Variants in ASIC2 observed in about 807,000 individuals in gnomAD.
ASIC2 encodes the protein acid-sensing ion channel 2.
In ASIC2, 25 loss-of-function variants were observed where a neutral mutation model predicts 57.3. The ratio of observed to expected loss-of-function variants is 0.44; its 90% confidence interval spans 0.32 to 0.61. ASIC2 has a LOEUF of 0.61. Ranked by LOEUF, ASIC2 falls within the 20% of genes least tolerant of loss-of-function variation. The pLI is 0.06. For synonymous variants in ASIC2, 319 were observed against 307.5 expected (o/e 1.04, Z -0.39); for missense variants, 641 against 738.1 (o/e 0.87, Z 1.52).
At chr17:34,000,059 T>G (rs966931580) in intron 1 of ASIC2, among the ~76,000 whole-genome samples, 29 of 151,838 alleles carry the variant, frequency 1.9e-4, no homozygotes, top group Middle Eastern at 3.4e-3. Flanking sequence ...TGTTGTTTTT[T>G]TTTTTTCTTT....
intron 1 of ASIC2, among the ~76,000 whole-genome samples, chr17:33,589,417 A>G (rs537485591): frequency 6.6e-6 from 1 of 152,320 alleles, no homozygotes; most frequent in African/African-American, 2.4e-5. Context: ...ATTCAGAGGC[A>G]TTGAGTACAT....
chr17:33,933,144 C>G (rs1343758542), intron 1 of ASIC2, among the ~76,000 whole-genome samples: 1 of 152,164 alleles, frequency 6.6e-6, no homozygotes, highest in Non-Finnish European at 1.5e-5. Flanking sequence ...ATGCCCATCA[C>G]AGGGCCTTTG....
intron 1 of ASIC2, among the ~76,000 whole-genome samples, chr17:34,045,938 G>T (rs1908321065): frequency 6.6e-6 from 1 of 152,186 alleles, no homozygotes; most frequent in Admixed American, 6.5e-5. Flanking sequence ...CACCATGCCA[G>T]TTTAGAGTAT....
chr17:33,788,612 A>G (rs894507656), intron 1 of ASIC2, among the ~76,000 whole-genome samples: 1 of 152,180 alleles, frequency 6.6e-6, no homozygotes, highest in African/African-American at 2.4e-5. Context: ...GCATATGTTC[A>G]TTGCAACACT....
intron 1 of ASIC2, among the ~76,000 whole-genome samples, chr17:34,148,853 C>A (rs181706693): frequency 3.9e-5 from 6 of 152,242 alleles, no homozygotes; most frequent in African/African-American, 9.6e-5. Flanking sequence ...AGGAAGGAAT[C>A]TCCTAATGAC....
intron 1 of ASIC2, among the ~76,000 whole-genome samples, chr17:33,695,105 C>T (rs549724665): frequency 3.1e-4 from 47 of 152,256 alleles, no homozygotes; most frequent in Admixed American, 1.2e-3. Context: ...TGTTTAGTAG[C>T]AAACAGTATT....
intron 1 of ASIC2, among the ~76,000 whole-genome samples, chr17:33,841,985 C>A (rs1420746769): frequency 2.0e-5 from 3 of 151,932 alleles, no homozygotes; most frequent in Non-Finnish European, 4.4e-5. Context: ...ACCTTATGTA[C>A]GGTCCAGTGG....
chr17:33,547,622 C>T (rs1915621283), intron 1 of ASIC2, among the ~76,000 whole-genome samples: 4 of 152,142 alleles, frequency 2.6e-5, no homozygotes, highest in Admixed American at 2.6e-4. Context: ...CTGCAGAAGC[C>T]TAGAGTGACC....
At chr17:33,755,436 A>C (rs563703785) in intron 1 of ASIC2, among the ~76,000 whole-genome samples, 1 of 152,334 alleles carries the variant, frequency 6.6e-6, no homozygotes, top group South Asian at 2.1e-4. Flanking sequence ...AGCATCATTC[A>C]CTGGAGATGT....
At chr17:33,239,511 T>C (rs1199956882) in intron 1 of ASIC2, among the ~76,000 whole-genome samples, 1 of 152,226 alleles carries the variant, frequency 6.6e-6, no homozygotes, top group Non-Finnish European at 1.5e-5. Flanking sequence ...ATTTGTTTTT[T>C]GTCTCTTTTG....
chr17:34,124,156 C>G (rs978951848), intron 1 of ASIC2, among the ~76,000 whole-genome samples: 1 of 152,126 alleles, frequency 6.6e-6, no homozygotes, highest in Non-Finnish European at 1.5e-5. Flanking sequence ...ATTTTTCTCA[C>G]CATTTTACAG....
intron 1 of ASIC2, among the ~76,000 whole-genome samples, chr17:33,781,128 A>G (rs1379721492): frequency 6.6e-6 from 1 of 152,138 alleles, no homozygotes; most frequent in African/African-American, 2.4e-5. Context: ...TGGTTCCCTT[A>G]TCCTAAACCT....
At position 33,163,576 on chromosome 17, in the gene ASIC2, C is replaced by T. The variant is rs559419823; in HGVS notation, c.709-51509G>A. ...TACGATGCCAAGTGATTTCCAGACACGCTGTCACATTCACTCATCCATTCA... is the reference window on the plus strand; with the variant it reads ...TACGATGCCAAGTGATTTCCAGACATGCTGTCACATTCACTCATCCATTCA... On this transcript the variant is annotated intron_variant, in intron 1 of 9. Transcript: ENST00000225823. 6.6e-5 allele frequency among the ~76,000 whole-genome samples: 10 copies of T among 152,254 alleles called. 1 individual carries two copies. Among genetic ancestry groups the T allele is most frequent in the South Asian group, 6.2e-4 (3 of 4,816 alleles).
chr17:33,439,584 T>C (rs781759411), intron 1 of ASIC2, among the ~76,000 whole-genome samples: 8 of 152,144 alleles, frequency 5.3e-5, no homozygotes, highest in South Asian at 2.1e-4. Context: ...CCATACTCAT[T>C]GGTGCTTTAT....
intron 1 of ASIC2, among the ~76,000 whole-genome samples, chr17:33,772,182 T>C (rs1188785814): frequency 1.3e-5 from 2 of 152,118 alleles, no homozygotes; most frequent in Non-Finnish European, 2.9e-5. Context: ...AAATAAATGA[T>C]CTAACTGCCT....
At chr17:33,555,487 TA>T (rs538702234) in intron 1 of ASIC2, among the ~76,000 whole-genome samples, 83 of 152,260 alleles carry the variant, frequency 5.5e-4, no homozygotes, top group African/African-American at 1.9e-3. Flanking sequence ...ATTTGCTTGC[TA>T]CTCTAGAAAG....
At chr17:33,204,457 G>A (rs975359506) in intron 1 of ASIC2, among the ~76,000 whole-genome samples, 1 of 152,198 alleles carries the variant, frequency 6.6e-6, no homozygotes, top group African/African-American at 2.4e-5. Context: ...GTGGATATTT[G>A]TTGTGTCTAC....
chr17:33,154,669 C>T (rs899912367), intron 1 of ASIC2, among the ~76,000 whole-genome samples: 2 of 152,122 alleles, frequency 1.3e-5, no homozygotes, highest in African/African-American at 4.8e-5. Flanking sequence ...GCACCTTGGC[C>T]GTGTGTTCCA....
intron 1 of ASIC2, among the ~76,000 whole-genome samples, chr17:33,562,699 G>T (rs553793530): frequency 4.6e-5 from 7 of 152,198 alleles, no homozygotes; most frequent in Non-Finnish European, 8.8e-5. Context: ...CTTCCTACAG[G>T]AATGGGACTC....
Sources: gnomAD v4.1 joint callset for allele counts (sites outside exome capture counted in the v4.1 genomes callset) on GRCh38, gnomAD v4.1.1 for gene constraint, MANE v1.5 for transcripts, NCBI Gene and HGNC (gene_info 2026-07-23, HGNC 2026-07-21) for gene names.